Variants in PABPC4L observed in about 807,000 individuals in gnomAD.
PABPC4L encodes the protein polyadenylate-binding protein 4-like.
For synonymous variants in PABPC4L, 169 were observed against 164.1 expected, an observed-to-expected ratio of 1.03 and a Z score of -0.23; for missense variants, 452 against 451.4, an observed-to-expected ratio of 1.00 and a Z score of -0.01.
At chr4:134,103,993 T>G in the PABPC4L span, among the ~76,000 whole-genome samples, 19 of 151,876 alleles carry the variant, frequency 1.3e-4, 1 homozygote, top group East Asian at 3.3e-3. Flanking sequence ...TTGCTTTGAT[T>G]AAATGCTTTA....
the PABPC4L span, among the ~76,000 whole-genome samples, chr4:133,970,590 C>T: frequency 6.6e-6 from 1 of 152,186 alleles, no homozygotes; most frequent in Admixed American, 6.5e-5. Flanking sequence ...TGCATTTACA[C>T]AGTTCTCTTT....
At position 134,199,506 on chromosome 4, in the gene PABPC4L, T is replaced by C. The variant is rs908430444; in HGVS notation, c.*401A>G. On this transcript the variant is annotated 3_prime_UTR_variant, in exon 2 of 2. Transcript: ENST00000421491. Reference sequence around the variant, plus strand: ...GTTGGTAAAAATACTTTGGAATCTTTAGTTGTAAGAACTATTTTGAGCATA... The same window carrying C: ...GTTGGTAAAAATACTTTGGAATCTTCAGTTGTAAGAACTATTTTGAGCATA... The C allele has an allele frequency of 6.5e-6, 1 of 153,862 alleles. No homozygotes were observed. The highest frequency in any genetic ancestry group is 2.4e-5 in the African/African-American group (1 of 41,530). The allele number at this position is 153,862 out of a possible 1,614,324, so 9.5% of individuals were successfully genotyped here. A position where few individuals can be genotyped will look rare whatever the true frequency, so the allele number is the denominator to read the frequency against.
At chr4:134,138,752 T>C in the PABPC4L span, among the ~76,000 whole-genome samples, 1 of 152,016 alleles carries the variant, frequency 6.6e-6, no homozygotes, top group Non-Finnish European at 1.5e-5. Context: ...TTCAATAATA[T>C]GTGTCCTTTA....
At chr4:134,070,108 C>T in the PABPC4L span, among the ~76,000 whole-genome samples, 5 of 151,462 alleles carry the variant, frequency 3.3e-5, no homozygotes, top group East Asian at 2.0e-4. Context: ...CAGCTCAGCC[C>T]TCCAGGAATG....
the PABPC4L span, among the ~76,000 whole-genome samples, chr4:134,076,184 A>G: frequency 1.3e-5 from 2 of 152,188 alleles, no homozygotes; most frequent in African/African-American, 4.8e-5. Context: ...AAAAGTGGAA[A>G]TCAGAATTAT....
At chr4:133,968,701 GA>G in the PABPC4L span, among the ~76,000 whole-genome samples, 6 of 151,870 alleles carry the variant, frequency 4.0e-5, no homozygotes, top group Non-Finnish European at 5.9e-5. Context: ...AAGAAAAAAA[GA>G]AAAAAATAAT....
At chr4:134,186,472 G>A in the PABPC4L span, among the ~76,000 whole-genome samples, 2 of 152,120 alleles carry the variant, frequency 1.3e-5, no homozygotes, top group African/African-American at 4.8e-5. Flanking sequence ...ATGGTGCTGG[G>A]AAAACTGGCT....
At chr4:134,143,242 TATATCTTAATA>T in the PABPC4L span, among the ~76,000 whole-genome samples, 2 of 150,542 alleles carry the variant, frequency 1.3e-5, no homozygotes, top group Non-Finnish European at 3.0e-5. Context: ...TGAGAAGATA[TATATCTTAATA>T]ATATCTTAAT....
At chr4:133,954,682 C>T in the PABPC4L span, among the ~76,000 whole-genome samples, 1 of 151,796 alleles carries the variant, frequency 6.6e-6, no homozygotes, top group Non-Finnish European at 1.5e-5. Flanking sequence ...AGCTTTTCCC[C>T]GTGTACATTT....
At chr4:134,054,715 T>C in the PABPC4L span, among the ~76,000 whole-genome samples, 3 of 152,064 alleles carry the variant, frequency 2.0e-5, no homozygotes, top group Non-Finnish European at 4.4e-5. Flanking sequence ...GTTTATGCAT[T>C]GGTAGTTTAT....
the PABPC4L span, among the ~76,000 whole-genome samples, chr4:134,110,812 G>C: frequency 6.6e-6 from 1 of 151,860 alleles, no homozygotes; most frequent in Non-Finnish European, 1.5e-5. Flanking sequence ...GCATTGTTTA[G>C]GGAATCATGA....
the PABPC4L span, among the ~76,000 whole-genome samples, chr4:134,024,448 G>GCTTTGTTTT: frequency 2.6e-5 from 4 of 152,244 alleles, no homozygotes; most frequent in African/African-American, 9.6e-5. Context: ...TTCCTGACCT[G>GCTTTGTTTT]CAGATGGCCA....
At chr4:134,145,857 T>C in the PABPC4L span, among the ~76,000 whole-genome samples, 1 of 152,042 alleles carries the variant, frequency 6.6e-6, no homozygotes, top group Non-Finnish European at 1.5e-5. Context: ...AGCATATCCC[T>C]GCTATTAGAC....
the PABPC4L span, among the ~76,000 whole-genome samples, chr4:134,068,291 T>C: frequency 6.6e-6 from 1 of 152,188 alleles, no homozygotes; most frequent in African/African-American, 2.4e-5. Context: ...TCTTTGTCTC[T>C]TTTAATCTTT....
At chr4:134,018,040 G>C in the PABPC4L span, among the ~76,000 whole-genome samples, 1 of 152,010 alleles carries the variant, frequency 6.6e-6, no homozygotes, top group Non-Finnish European at 1.5e-5. Flanking sequence ...CATCCAGATG[G>C]CCGGTTCCTG....
At chr4:134,068,016 CT>C in the PABPC4L span, among the ~76,000 whole-genome samples, 2 of 152,050 alleles carry the variant, frequency 1.3e-5, no homozygotes, top group Non-Finnish European at 2.9e-5. Context: ...GCAGAGTGCT[CT>C]TTAGATATTT....
the PABPC4L span, among the ~76,000 whole-genome samples, chr4:134,158,944 C>A: frequency 6.6e-6 from 1 of 152,208 alleles, no homozygotes; most frequent in Admixed American, 6.5e-5. Flanking sequence ...ATATTGAATA[C>A]TTGTAGGTAA....
At chr4:133,958,320 A>G in the PABPC4L span, among the ~76,000 whole-genome samples, 1 of 152,174 alleles carries the variant, frequency 6.6e-6, no homozygotes, top group Non-Finnish European at 1.5e-5. Context: ...TACGTCTGAG[A>G]CTACCTCAAC....
the PABPC4L span, among the ~76,000 whole-genome samples, chr4:134,031,829 G>C: frequency 0.15 from 22,612 of 151,740 alleles, 1,981 homozygotes; most frequent in Non-Finnish European, 0.19. Flanking sequence ...AATATTTGTT[G>C]AATGAATGAA....
Sources: gnomAD v4.1 joint callset for allele counts (sites outside exome capture counted in the v4.1 genomes callset) on GRCh38, gnomAD v4.1.1 for gene constraint, MANE v1.5 for transcripts, NCBI Gene and HGNC (gene_info 2026-07-23, HGNC 2026-07-21) for gene names.